Variants in WBP4 observed in about 807,000 individuals in gnomAD.
WBP4 encodes WW domain binding protein 4.
A neutral mutation model predicts 55.4 loss-of-function variants in WBP4; 37 were observed. The ratio of observed to expected loss-of-function variants is 0.67; its 90% CI spans 0.51 to 0.88. The LOEUF (loss-of-function observed/expected upper bound fraction) is 0.88. WBP4 is among the 40% of genes least tolerant of loss of function. The probability of loss-of-function intolerance (pLI) is 0.00; values close to 1 mark genes in which losing one functional copy is unlikely to be tolerated. For missense variants in WBP4, 398 were observed against 420.8 expected, an observed-to-expected ratio of 0.95 and a Z score of 0.47; for synonymous variants, 142 against 140.2, an observed-to-expected ratio of 1.01 and a Z score of -0.09.
At chr13:41,071,870 A>C (rs968481816) in intron 6 of WBP4, among the ~76,000 whole-genome samples, 44 of 151,888 alleles carry the variant, frequency 2.9e-4, no homozygotes, top group African/African-American at 9.4e-4. Flanking sequence ...GTGAAACCCT[A>C]TCTCTCCTAA....
At chr13:41,069,222 A>G (rs564352990) in intron 5 of WBP4, among the ~76,000 whole-genome samples, 92 of 152,276 alleles carry the variant, frequency 6.0e-4, no homozygotes, top group Non-Finnish European at 1.2e-3. Context: ...ACTGATACCC[A>G]ACAGAAAAAT....
rs773860222 is a variant in WBP4, at chr13:41,068,657, A to G, written c.359A>G (p.Lys120Arg). Residue 120 changes from lysine (K) to arginine (R), a missense_variant, in exon 5 of 10, where the codon AAA becomes AGA. Physicochemically the swap from Lys to Arg is conservative, Grantham distance 26. Coordinates refer to ENST00000379487, the MANE Select transcript of WBP4 (RefSeq NM_007187.5). ...GAAAAGAAAGAAAAGAAGAAAAGAAAAAAAGATCCTTCAAAGGGCAGATGG... is the reference window on the plus strand; with the variant it reads ...GAAAAGAAAGAAAAGAAGAAAAGAAGAAAAGATCCTTCAAAGGGCAGATGG... ...QKEKKEKKKR[K>R]KDPSKGRWVE... 4.3e-6 allele frequency: 7 copies of G among 1,613,908 alleles called. No homozygotes were observed. Among genetic ancestry groups the G allele is most frequent in the South Asian group, 2.2e-5 (2 of 91,040 alleles).
intron 1 of WBP4, chr13:41,062,320 C>T: frequency 1.0e-6 from 1 of 960,498 alleles, no homozygotes; most frequent in Non-Finnish European, 1.2e-6. Flanking sequence ...ACAGCAACCT[C>T]CCCCAAAGCC....
At chr13:41,071,086 C>G (rs970956345) in intron 5 of WBP4, among the ~76,000 whole-genome samples, 1 of 152,168 alleles carries the variant, frequency 6.6e-6, no homozygotes, top group Admixed American at 6.6e-5. Flanking sequence ...GCTTGCCTCT[C>G]TTTTTCAGCA....
intron 4 of WBP4, among the ~76,000 whole-genome samples, chr13:41,065,634 C>G (rs114608283): frequency 7.0e-4 from 107 of 152,186 alleles, no homozygotes; most frequent in African/African-American, 2.5e-3. Context: ...TAAAAATAGG[C>G]CTTGCATTAT....
chr13:41,076,212 CAG>C lies in WBP4; in HGVS notation c.733_734del (p.Glu245LysfsTer7). The stretch of plus-strand genomic sequence containing the variant: ...GAAGAAGGAGGGGTCTCTACAGAGA[CAG>C]AAAAGCCAAAAATAAAGTTTAAGGT... On this transcript the variant is annotated frameshift_variant, in exon 8 of 10. Coordinates refer to ENST00000379487, the MANE Select transcript of WBP4 (RefSeq NM_007187.5). LOFTEE classifies it high-confidence loss of function. The C allele has an allele frequency of 6.5e-7, 1 of 1,527,982 alleles. No homozygotes were observed. Among genetic ancestry groups the C allele is most frequent in the South Asian group, 1.2e-5 (1 of 81,050 alleles). The allele number at this position is 1,527,982 out of a possible 1,614,324, so 94.7% of individuals were successfully genotyped here. A position where few individuals can be genotyped will look rare whatever the true frequency, so the allele number is the denominator to read the frequency against.
In WBP4 at chr13:41,063,079, T is replaced by C. The variant is rs117337478; in HGVS notation, c.75+363T>C. On this transcript the variant is annotated intron_variant, in intron 2 of 9. Transcript: ENST00000379487. ...TAAAAGCAACATGTTTAGTTTTTCT[T>C]GTATATTTTGTGGTCTAGAAATAAT... 2.7e-3 allele frequency among the ~76,000 whole-genome samples: 416 copies of C among 152,328 alleles called. 8 individuals are homozygous for C. In the East Asian group the frequency reaches 0.049, roughly 18 times the overall value.
At chr13:41,072,391 C>T (rs1199541594) in intron 6 of WBP4, among the ~76,000 whole-genome samples, 1 of 152,226 alleles carries the variant, frequency 6.6e-6, no homozygotes, top group Admixed American at 6.5e-5. Flanking sequence ...GTGGCATGAG[C>T]TTCTGGAGAG....
At chr13:41,065,359 T>G in intron 4 of WBP4, 72 bp downstream of exon 4, 1 of 1,485,110 alleles carries the variant, frequency 6.7e-7, no homozygotes. Flanking sequence ...CTAAGTAAGC[T>G]TTGATTGCTT....
chr13:41,075,729 T>C (rs1287914460), intron 7 of WBP4, among the ~76,000 whole-genome samples: 1 of 152,220 alleles, frequency 6.6e-6, no homozygotes, highest in East Asian at 1.9e-4. Flanking sequence ...ATCTCTTGTT[T>C]GCTCATTATC....
chr13:41,071,568 A>G lies in WBP4; in HGVS notation c.481A>G (p.Lys161Glu). The G allele has an allele frequency of 1.2e-6, 2 of 1,609,938 alleles. No homozygotes were observed. The highest frequency in any genetic ancestry group is 1.1e-5 in the South Asian group (1 of 90,022). The part of the protein sequence containing the change: ...EKPEGFQGDL[K>E]KTAVKTVWVE... ...ACCTGAAGGATTTCAAGGAGACTTA[A>G]AAAAGGTAATTGAAGCATATTAATA... Residue 161 changes from lysine (K) to glutamate (E), a missense_variant, in exon 6 of 10, where the codon AAA (lysine) becomes GAA (glutamate). Coordinates refer to ENST00000379487, the MANE Select transcript of WBP4 (RefSeq NM_007187.5).
At chr13:41,081,187 C>G (rs904489471) in intron 9 of WBP4, among the ~76,000 whole-genome samples, 1 of 151,424 alleles carries the variant, frequency 6.6e-6, no homozygotes, top group Non-Finnish European at 1.5e-5. Flanking sequence ...CAGAGCAAGA[C>G]TCCATCTCGA....
At chr13:41,070,918 G>A (rs187983476) in intron 5 of WBP4, among the ~76,000 whole-genome samples, 17 of 152,250 alleles carry the variant, frequency 1.1e-4, no homozygotes, top group African/African-American at 4.1e-4. Flanking sequence ...GGACTATGTA[G>A]AAATATTAAT....
chr13:41,074,709 C>G (rs969565545), intron 7 of WBP4, among the ~76,000 whole-genome samples: 4 of 152,114 alleles, frequency 2.6e-5, no homozygotes, highest in African/African-American at 9.7e-5. Flanking sequence ...ATAAATTACT[C>G]CCTGAACTGG....
intron 5 of WBP4, among the ~76,000 whole-genome samples, chr13:41,071,176 T>C (rs947078224): frequency 1.1e-4 from 16 of 152,220 alleles, no homozygotes; most frequent in Admixed American, 7.8e-4. Flanking sequence ...TGAGTTCTTA[T>C]TCAGTTTATC....
At chr13:41,075,944 G>T in intron 7 of WBP4, 100 bp from the exon 8 acceptor site, 2 of 1,223,050 alleles carry the variant, frequency 1.6e-6, no homozygotes, top group Non-Finnish European at 2.3e-6. Flanking sequence ...AATACATACA[G>T]TATTGTCATT....
At chr13:41,075,365 A>G (rs1044785956) in intron 7 of WBP4, among the ~76,000 whole-genome samples, 1 of 152,138 alleles carries the variant, frequency 6.6e-6, no homozygotes, top group Non-Finnish European at 1.5e-5. Context: ...ATTTCACTCC[A>G]TGAAAATCTT....
chr13:41,061,522 G>C lies in WBP4; in HGVS notation c.-152G>C, dbSNP rs1593421568. On this transcript the variant is annotated 5_prime_UTR_variant, in exon 1 of 10. Transcript: ENST00000379487. ...GTCTGGGCACCCGTAGTTGGGAACA[G>C]CGGAACGCTGGTCCCGGGGACTGAG... The C allele has an allele frequency of 3.2e-6, 4 of 1,249,940 alleles. No homozygotes were observed. The highest frequency in any genetic ancestry group is 2.3e-6 in the Non-Finnish European group (2 of 881,298). The allele number at this position is 1,249,940 out of a possible 1,614,324, so 77.4% of individuals were successfully genotyped here. A position where few individuals can be genotyped will look rare whatever the true frequency, so the allele number is the denominator to read the frequency against.
chr13:41,062,657 A>C lies in WBP4; in HGVS notation c.16A>C (p.Lys6Gln). MADYW[K>Q]SQPKKFCDYC... ...TCTCTTTTTCAGGGCGGACTACTGG[A>C]AGTCACAGCCAAAGAAATTCTGTGA... The change falls in exon 2 of 10, where the codon AAG (lysine) becomes CAG (glutamine). Residue 6 changes from lysine (K) to glutamine (Q), a missense_variant. Transcript: ENST00000379487. 6.2e-7 allele frequency: 1 copy of C among 1,613,836 alleles called. No homozygotes were observed. The highest frequency in any genetic ancestry group is 8.5e-7 in the Non-Finnish European group (1 of 1,179,848).
Sources: gnomAD v4.1 joint callset for allele counts (sites outside exome capture counted in the v4.1 genomes callset) on GRCh38, gnomAD v4.1.1 for gene constraint, MANE v1.5 for transcripts, NCBI Gene and HGNC (gene_info 2026-07-23, HGNC 2026-07-21) for gene names.